SHISA9: variants seen among roughly 807,000 people sequenced by gnomAD.
SHISA9 encodes the protein shisa family member 9.
A neutral mutation model predicts 38.0 loss-of-function variants in SHISA9; 13 were observed. That is an observed-to-expected ratio of 0.34 (90% CI 0.22 to 0.54). The LOEUF (loss-of-function observed/expected upper bound fraction) is 0.54, where lower values mean the gene tolerates loss of function less well. SHISA9 is among the 20% of genes least tolerant of loss of function. The probability of loss-of-function intolerance (pLI) is 0.91; values close to 1 mark genes in which losing one functional copy is unlikely to be tolerated. For synonymous variants in SHISA9, 275 were observed against 242.0 expected (o/e 1.14, Z -1.27); for missense variants, 538 against 575.8 (o/e 0.93, Z 0.67).
At chr16:13,061,534 G>C (rs926576026) in intron 2 of SHISA9, among the ~76,000 whole-genome samples, 13 of 152,178 alleles carry the variant, frequency 8.5e-5, no homozygotes, top group Non-Finnish European at 1.2e-4. Flanking sequence ...GGCCACTTTG[G>C]AGAATGCATT....
chr16:12,925,931 G>A (rs573401947), intron 2 of SHISA9, among the ~76,000 whole-genome samples: 2 of 152,004 alleles, frequency 1.3e-5, no homozygotes, highest in South Asian at 4.2e-4. Flanking sequence ...TCGCTATGTT[G>A]GCCAGGCTGG....
intron 2 of SHISA9, among the ~76,000 whole-genome samples, chr16:13,047,968 C>G (rs1385285647): frequency 1.3e-5 from 2 of 152,116 alleles, no homozygotes; most frequent in African/African-American, 4.8e-5. Context: ...AAGTATGATT[C>G]AGGCCCTGTC....
chr16:13,132,812 G>T (rs1262199403), intron 2 of SHISA9, among the ~76,000 whole-genome samples: 1 of 152,148 alleles, frequency 6.6e-6, no homozygotes, highest in African/African-American at 2.4e-5. Context: ...GAAAAATTCT[G>T]GGAAAAAGTG....
chr16:13,037,088 CCACACACA>C (rs71147781), intron 2 of SHISA9, among the ~76,000 whole-genome samples: 4 of 129,640 alleles, frequency 3.1e-5, no homozygotes, highest in African/African-American at 6.2e-5. Context: ...ACACACCACA[CCACACACA>C]CACACACACA....
the SHISA9 span, among the ~76,000 whole-genome samples, chr16:13,372,004 C>A: frequency 6.6e-6 from 1 of 152,240 alleles, no homozygotes; most frequent in African/African-American, 2.4e-5. Context: ...CTTACCTGTT[C>A]TCTGTTTCAG....
chr16:13,468,584 A>G, the SHISA9 span, among the ~76,000 whole-genome samples: 1 of 152,174 alleles, frequency 6.6e-6, no homozygotes, highest in East Asian at 1.9e-4. Context: ...TATCCTAAAT[A>G]TCTTGCTCTA....
the SHISA9 span, among the ~76,000 whole-genome samples, chr16:13,441,146 G>A: frequency 2.6e-4 from 40 of 152,260 alleles, no homozygotes; most frequent in African/African-American, 7.9e-4. Context: ...AAAAATACAC[G>A]CAAACTGTGC....
chr16:13,015,697 G>A (rs944941920), intron 2 of SHISA9, among the ~76,000 whole-genome samples: 1 of 152,002 alleles, frequency 6.6e-6, no homozygotes. Flanking sequence ...TACCCTATGC[G>A]TAGATACACC....
intron 2 of SHISA9, among the ~76,000 whole-genome samples, chr16:12,933,860 G>A (rs2071493140): frequency 6.6e-6 from 1 of 152,080 alleles, no homozygotes; most frequent in Admixed American, 6.5e-5. Context: ...TTATAGTGGG[G>A]GAAGACTGTT....
intron 2 of SHISA9, among the ~76,000 whole-genome samples, chr16:12,940,074 G>GT (rs1157607096): frequency 6.6e-6 from 1 of 152,202 alleles, no homozygotes; most frequent in African/African-American, 2.4e-5. Flanking sequence ...TTTTAATGGT[G>GT]TGTTTCACTT....
At chr16:12,994,723 A>G (rs1436339481) in intron 2 of SHISA9, among the ~76,000 whole-genome samples, 1 of 152,224 alleles carries the variant, frequency 6.6e-6, no homozygotes, top group Non-Finnish European at 1.5e-5. Flanking sequence ...TAATGAAGGT[A>G]GGACTGGTGT....
the SHISA9 span, among the ~76,000 whole-genome samples, chr16:13,444,752 C>A: frequency 6.7e-6 from 1 of 149,092 alleles, no homozygotes; most frequent in South Asian, 2.1e-4. Context: ...AGAAAGACTC[C>A]CAGATCTGGA....
the SHISA9 span, among the ~76,000 whole-genome samples, chr16:13,394,526 A>G: frequency 1.3e-5 from 2 of 152,106 alleles, no homozygotes; most frequent in South Asian, 2.1e-4. Flanking sequence ...CTTTGAGCCA[A>G]TAACACATTC....
intron 2 of SHISA9, among the ~76,000 whole-genome samples, chr16:13,015,896 T>TTCTTTCTTTCTTTCTC (rs2072745453): frequency 1.6e-5 from 2 of 125,826 alleles, no homozygotes; most frequent in African/African-American, 5.7e-5. Flanking sequence ...CTTTCTTTCT[T>TTCTTTCTTTCTTTCTC]TCTTTCTTTC....
chr16:13,204,864 G>C (rs1036768847), intron 3 of SHISA9: 1 of 152,204 alleles, frequency 6.6e-6, no homozygotes, highest in Non-Finnish European at 1.5e-5. Context: ...TATCCCTCCA[G>C]AGCCACTGCT....
chr16:12,949,772 T>A (rs2141772530), intron 2 of SHISA9, among the ~76,000 whole-genome samples: 1 of 152,362 alleles, frequency 6.6e-6, no homozygotes, highest in African/African-American at 2.4e-5. Flanking sequence ...GTGGGGTACT[T>A]ATGATATTTC....
intron 2 of SHISA9, among the ~76,000 whole-genome samples, chr16:13,053,759 C>G (rs933825711): frequency 2.0e-5 from 3 of 152,176 alleles, no homozygotes; most frequent in Non-Finnish European, 4.4e-5. Flanking sequence ...TCATATGGGA[C>G]GTGGCTTCCT....
chr16:13,103,398 T>G (rs1304749050), intron 2 of SHISA9, among the ~76,000 whole-genome samples: 1 of 152,208 alleles, frequency 6.6e-6, no homozygotes, highest in African/African-American at 2.4e-5. Context: ...TGAGATGAAT[T>G]ATTGCACATT....
the SHISA9 span, among the ~76,000 whole-genome samples, chr16:13,435,152 G>C: frequency 6.6e-6 from 1 of 151,982 alleles, no homozygotes; most frequent in African/African-American, 2.4e-5. Flanking sequence ...ATTTGTTTTT[G>C]ATTTTTGTAG....
Sources: gnomAD v4.1 joint callset for allele counts (sites outside exome capture counted in the v4.1 genomes callset) on GRCh38, gnomAD v4.1.1 for gene constraint, MANE v1.5 for transcripts, NCBI Gene and HGNC (gene_info 2026-07-23, HGNC 2026-07-21) for gene names.